REDIC1: variants seen among roughly 807,000 people sequenced by gnomAD.
REDIC1 encodes HEI10 Interacting Protein 1.
the REDIC1 span, among the ~76,000 whole-genome samples, chr12:39,712,305 C>A: frequency 5.1e-5 from 3 of 58,344 alleles, no homozygotes; most frequent in African/African-American, 1.4e-4. Flanking sequence ...TATATACATA[C>A]ATATATATGT....
At chr12:39,681,250 T>C in the REDIC1 span, among the ~76,000 whole-genome samples, 1 of 152,052 alleles carries the variant, frequency 6.6e-6, no homozygotes, top group Non-Finnish European at 1.5e-5. Context: ...CCAGCCTGAA[T>C]GAAAAGAGCA....
chr12:39,637,941 A>G, the REDIC1 span, among the ~76,000 whole-genome samples: 2 of 151,850 alleles, frequency 1.3e-5, no homozygotes, highest in East Asian at 1.9e-4. Flanking sequence ...ATCATTACCT[A>G]TTTTCATTTT....
chr12:39,853,828 T>G, the REDIC1 span, among the ~76,000 whole-genome samples: 22 of 152,286 alleles, frequency 1.4e-4, no homozygotes, highest in African/African-American at 4.3e-4. Flanking sequence ...CATAAGGAAC[T>G]TTGGCCACTA....
At chr12:39,823,755 A>C in the REDIC1 span, among the ~76,000 whole-genome samples, 4 of 152,186 alleles carry the variant, frequency 2.6e-5, no homozygotes, top group East Asian at 7.7e-4. Flanking sequence ...GGCTTCTTCC[A>C]ATAATTTTTA....
chr12:39,626,232 G>A, the REDIC1 span: 16 of 1,281,348 alleles, frequency 1.2e-5, no homozygotes, highest in East Asian at 1.4e-4. Flanking sequence ...GGGCCCTGAC[G>A]TTGTCAGGAG....
the REDIC1 span, among the ~76,000 whole-genome samples, chr12:39,796,189 A>G: frequency 6.6e-6 from 1 of 152,158 alleles, no homozygotes; most frequent in Non-Finnish European, 1.5e-5. Context: ...ATGCATGGCA[A>G]TTTTCATATT....
At chr12:39,691,993 TAA>T in the REDIC1 span, 1 of 1,418,048 alleles carries the variant, frequency 7.1e-7, no homozygotes, top group Non-Finnish European at 9.5e-7. Flanking sequence ...AAGGTAGATA[TAA>T]GTGAATATTA....
chr12:39,871,166 T>G, the REDIC1 span, among the ~76,000 whole-genome samples: 9 of 152,144 alleles, frequency 5.9e-5, no homozygotes, highest in African/African-American at 2.2e-4. Context: ...ACAGTCCTTG[T>G]GTACAGTGAA....
the REDIC1 span, among the ~76,000 whole-genome samples, chr12:39,883,595 A>G: frequency 6.6e-6 from 1 of 152,316 alleles, no homozygotes; most frequent in Middle Eastern, 3.4e-3. Flanking sequence ...CATGGCATTT[A>G]CTTCCTGAAA....
At chr12:39,751,948 C>T in the REDIC1 span, among the ~76,000 whole-genome samples, 8 of 151,962 alleles carry the variant, frequency 5.3e-5, no homozygotes, top group African/African-American at 7.3e-5. Context: ...ATATACCTAA[C>T]GTAAATGATG....
chr12:39,803,300 T>A, the REDIC1 span, among the ~76,000 whole-genome samples: 8 of 151,334 alleles, frequency 5.3e-5, no homozygotes, highest in African/African-American at 1.9e-4. Flanking sequence ...TAGACTTATA[T>A]GACAATTATA....
At chr12:39,762,593 T>G in the REDIC1 span, among the ~76,000 whole-genome samples, 1 of 151,978 alleles carries the variant, frequency 6.6e-6, no homozygotes, top group Non-Finnish European at 1.5e-5. Flanking sequence ...GGAATCAAAT[T>G]TTGAGATCTT....
chr12:39,710,915 A>G, the REDIC1 span, among the ~76,000 whole-genome samples: 1 of 151,324 alleles, frequency 6.6e-6, no homozygotes, highest in South Asian at 2.1e-4. Flanking sequence ...TTTTACCACA[A>G]GTTATTGGGG....
the REDIC1 span, among the ~76,000 whole-genome samples, chr12:39,753,581 T>C: frequency 2.0e-5 from 3 of 152,182 alleles, no homozygotes; most frequent in Non-Finnish European, 4.4e-5. Context: ...TCTGGTCAGC[T>C]GAGCTGGGAG....
At chr12:39,902,855 A>T in the REDIC1 span, among the ~76,000 whole-genome samples, 1 of 152,132 alleles carries the variant, frequency 6.6e-6, no homozygotes, top group South Asian at 2.1e-4. Context: ...TCAAAGAAAT[A>T]AGCAACCAGG....
At chr12:39,734,695 A>G in the REDIC1 span, among the ~76,000 whole-genome samples, 31,520 of 152,150 alleles carry the variant, frequency 0.21, 3,993 homozygotes, top group East Asian at 0.38. Flanking sequence ...TTGACCATAC[A>G]TGTGAGTTTG....
At chr12:39,630,348 T>G in the REDIC1 span, among the ~76,000 whole-genome samples, 1 of 152,154 alleles carries the variant, frequency 6.6e-6, no homozygotes, top group Non-Finnish European at 1.5e-5. Context: ...GGGAGGTTTA[T>G]TTTTATAATT....
chr12:39,676,862 A>G, the REDIC1 span, among the ~76,000 whole-genome samples: 3 of 152,112 alleles, frequency 2.0e-5, no homozygotes, highest in Non-Finnish European at 4.4e-5. Context: ...ACTAAGCTTC[A>G]TAATGTGAGA....
chr12:39,750,061 C>T, the REDIC1 span, among the ~76,000 whole-genome samples: 11 of 152,110 alleles, frequency 7.2e-5, no homozygotes, highest in East Asian at 1.9e-4. Flanking sequence ...TTGGAAGTTC[C>T]GGCCAGGGCA....
Sources: gnomAD v4.1 joint callset for allele counts (sites outside exome capture counted in the v4.1 genomes callset) on GRCh38, gnomAD v4.1.1 for gene constraint, MANE v1.5 for transcripts, NCBI Gene and HGNC (gene_info 2026-07-23, HGNC 2026-07-21) for gene names.